The following CFAP299 variants were observed in gnomAD, a reference collection of about 807,000 sequenced individuals.
CFAP299 encodes the protein cilia- and flagella-associated protein 299.
In CFAP299, 21 loss-of-function variants were observed where a neutral mutation model predicts 27.0. The observed-to-expected ratio is 0.78, with a 90% CI of 0.55 to 1.12. The LOEUF is 1.12. CFAP299 is among the 50% of genes most tolerant of loss of function. CFAP299 has a pLI of 0.00. For synonymous variants in CFAP299, 104 were observed against 98.1 expected (o/e 1.06, Z -0.36); for missense variants, 310 against 276.6 (o/e 1.12, Z -0.86).
chr4:80,323,001 T>G, the CFAP299 span, among the ~76,000 whole-genome samples: 1 of 152,044 alleles, frequency 6.6e-6, no homozygotes, highest in Non-Finnish European at 1.5e-5. Flanking sequence ...TAAAGCAATA[T>G]AAACAGAAGA....
chr4:80,666,506 GAA>G (rs1402244080), intron 3 of CFAP299, among the ~76,000 whole-genome samples: 3 of 152,088 alleles, frequency 2.0e-5, no homozygotes, highest in Non-Finnish European at 4.4e-5. Flanking sequence ...ATTTGAAAAA[GAA>G]AAGAGTCAAG....
chr4:80,636,305 G>C (rs1184473731), intron 3 of CFAP299, among the ~76,000 whole-genome samples: 1 of 152,016 alleles, frequency 6.6e-6, no homozygotes, highest in African/African-American at 2.4e-5. Flanking sequence ...ATATTAAAAG[G>C]TCATCTATGA....
At chr4:80,686,844 AT>A (rs1396938671) in intron 3 of CFAP299, among the ~76,000 whole-genome samples, 1 of 152,078 alleles carries the variant, frequency 6.6e-6, no homozygotes, top group African/African-American at 2.4e-5. Context: ...GTGGTATAAC[AT>A]TTCTGTTCCT....
At chr4:80,562,934 T>C (rs545551971) in intron 2 of CFAP299, among the ~76,000 whole-genome samples, 4 of 151,872 alleles carry the variant, frequency 2.6e-5, no homozygotes, top group Middle Eastern at 3.4e-3. Context: ...AGACAAAAAT[T>C]ATAAGAAGAT....
chr4:80,958,580 G>A (rs1454508388), intron 5 of CFAP299, among the ~76,000 whole-genome samples: 2 of 152,138 alleles, frequency 1.3e-5, no homozygotes, highest in Non-Finnish European at 2.9e-5. Context: ...GAAGGAGAAA[G>A]GGTGTTCTTA....
intron 2 of CFAP299, among the ~76,000 whole-genome samples, chr4:80,532,340 C>T (rs533412479): frequency 6.6e-6 from 1 of 152,216 alleles, no homozygotes; most frequent in African/African-American, 2.4e-5. Context: ...GGGAAAAAAA[C>T]TGTCAGAAGG....
chr4:80,730,250 G>C (rs111282246), intron 3 of CFAP299, among the ~76,000 whole-genome samples: 11,236 of 96,084 alleles, frequency 0.12, 864 homozygotes, highest in African/African-American at 0.34. Context: ...CTCTCTCTCT[G>C]TGTGTGTGTG....
At chr4:80,663,131 TTTA>T (rs1433996883) in intron 3 of CFAP299, among the ~76,000 whole-genome samples, 3 of 152,148 alleles carry the variant, frequency 2.0e-5, no homozygotes, top group East Asian at 1.9e-4. Context: ...TTAAAATTTT[TTTA>T]TTATTATTTC....
intron 3 of CFAP299, among the ~76,000 whole-genome samples, chr4:80,695,218 A>G (rs549777942): frequency 1.3e-4 from 20 of 152,312 alleles, no homozygotes; most frequent in African/African-American, 4.6e-4. Context: ...AATAGCTAGC[A>G]TGGACTATTT....
intron 3 of CFAP299, among the ~76,000 whole-genome samples, chr4:80,810,501 A>G (rs564106594): frequency 7.8e-4 from 118 of 152,146 alleles, no homozygotes; most frequent in African/African-American, 2.6e-3. Context: ...CCCTACATCA[A>G]TTCACTTCTA....
chr4:80,498,934 G>A (rs979736850), intron 2 of CFAP299, among the ~76,000 whole-genome samples: 39 of 152,282 alleles, frequency 2.6e-4, no homozygotes, highest in African/African-American at 9.1e-4. Context: ...GTGAGATCAT[G>A]TTCTTTGCAG....
chr4:80,844,415 G>C (rs1731046901), intron 3 of CFAP299, among the ~76,000 whole-genome samples: 1 of 152,138 alleles, frequency 6.6e-6, no homozygotes, highest in African/African-American at 2.4e-5. Context: ...TCCAGCACCT[G>C]TTGTTTCCTG....
chr4:80,552,161 T>C (rs1734554481), intron 2 of CFAP299, among the ~76,000 whole-genome samples: 2 of 152,234 alleles, frequency 1.3e-5, no homozygotes. Flanking sequence ...TAGTTTGTTT[T>C]CTTTATTGGG....
intron 3 of CFAP299, among the ~76,000 whole-genome samples, chr4:80,586,579 T>C (rs1266706191): frequency 1.3e-5 from 2 of 152,164 alleles, no homozygotes; most frequent in Non-Finnish European, 2.9e-5. Flanking sequence ...CGCTTTACTA[T>C]TTGCCAAAAA....
intron 2 of CFAP299, among the ~76,000 whole-genome samples, chr4:80,459,775 A>G (rs904145538): frequency 1.3e-5 from 2 of 152,174 alleles, no homozygotes; most frequent in African/African-American, 4.8e-5. Flanking sequence ...CCAGCTTGTT[A>G]GGTCCAGAGT....
intron 3 of CFAP299, among the ~76,000 whole-genome samples, chr4:80,794,713 C>T (rs1330740204): frequency 6.6e-6 from 1 of 152,120 alleles, no homozygotes; most frequent in African/African-American, 2.4e-5. Context: ...TTCATAAGTC[C>T]ACATATGGTA....
At chr4:80,858,899 G>A (rs1290680684) in intron 3 of CFAP299, among the ~76,000 whole-genome samples, 6 of 152,156 alleles carry the variant, frequency 3.9e-5, no homozygotes, top group Admixed American at 3.3e-4. Context: ...GATTTGGGGT[G>A]GAGAGTTCTG....
intron 2 of CFAP299, among the ~76,000 whole-genome samples, chr4:80,549,931 A>G (rs1051731534): frequency 1.3e-5 from 2 of 151,972 alleles, no homozygotes; most frequent in Non-Finnish European, 2.9e-5. Flanking sequence ...AAATTTTTCT[A>G]CAGAAATTAC....
At chr4:80,952,423 G>A (rs1737828838) in intron 5 of CFAP299, among the ~76,000 whole-genome samples, 1 of 152,124 alleles carries the variant, frequency 6.6e-6, no homozygotes, top group African/African-American at 2.4e-5. Context: ...GCCTAGGTAG[G>A]TGGATAAATG....
Sources: gnomAD v4.1 joint callset for allele counts (sites outside exome capture counted in the v4.1 genomes callset) on GRCh38, gnomAD v4.1.1 for gene constraint, MANE v1.5 for transcripts, NCBI Gene and HGNC (gene_info 2026-07-23, HGNC 2026-07-21) for gene names.